Variants in PREPL observed in about 807,000 individuals in gnomAD.
The protein encoded by PREPL is prolyl endopeptidase like.
PREPL carries 77 observed loss-of-function variants against 70.6 expected under a neutral mutation model. The ratio of observed to expected loss-of-function variants is 1.09; its 90% CI spans 0.91 to 1.32. The LOEUF is 1.32. PREPL is among the 40% of genes most tolerant of loss of function. The pLI is 0.00. For synonymous variants in PREPL, 315 were observed against 264.8 expected (o/e 1.19, Z -1.84); for missense variants, 1,002 against 778.2 (o/e 1.29, Z -3.42).
At position 44,320,128 on chromosome 2, in the gene PREPL, A is replaced by G; in HGVS notation, c.*1228T>C. 1 of 1,361,260 alleles carries G rather than the reference A, an allele frequency of 7.3e-7. No homozygotes were observed. Among genetic ancestry groups the G allele is most frequent in the Non-Finnish European group, 1.0e-6 (1 of 982,938 alleles). The allele number at this position is 1,361,260 out of a possible 1,614,324, so 84.3% of individuals were successfully genotyped here. ...GTGTTTTGGGTAAATAACTCCTTAC[A>G]ATATATTAAAAATACTTACAAACAA... On this transcript the variant is annotated 3_prime_UTR_variant, in exon 14 of 14. Transcript: ENST00000409411.
Position 44,317,956 on chromosome 2 carries a change from A to G in PREPL, c.*3400T>C. On this transcript the variant is annotated 3_prime_UTR_variant, in exon 14 of 14. Coordinates refer to ENST00000409411, the MANE Select transcript of PREPL (RefSeq NM_001171613.2). ...AAAGAATTAAAATGAAGATATAGCA[A>G]GCAAATAATAGAAAGCTTGCAACCC... 1 of 266,178 alleles carries G rather than the reference A, an allele frequency of 3.8e-6. No individual in the cohort carries two copies. The highest frequency in any genetic ancestry group is 7.6e-6 in the Non-Finnish European group (1 of 131,982). The allele number at this position is 266,178 out of a possible 1,614,324, so 16.5% of individuals were successfully genotyped here. A position where few individuals can be genotyped will look rare whatever the true frequency, so the allele number is the denominator to read the frequency against.
rs958600246 is a variant in PREPL, at chr2:44,322,039, A to C, written c.1754-139T>G. ...ATAAAAAGCAAAAACCACCATCATC[A>C]ACAAAAAGATGGGAGGGGACAAGCA... On this transcript the variant is annotated intron_variant, in intron 12 of 13. Coordinates refer to ENST00000409411, the MANE Select transcript of PREPL (RefSeq NM_001171613.2). The C allele has an allele frequency of 2.1e-5, 17 of 826,342 alleles. No individual in the cohort carries two copies. The African/African-American group carries it at 2.8e-4, about 13-fold the overall frequency. 51.2% of individuals were successfully genotyped at this position (826,342 alleles called of 1,614,324 possible).
chr2:44,318,025 A>C lies in PREPL; in HGVS notation c.*3331T>G. ...AAAAAATGAAGTTATCTTTTGACCT[A>C]ATAATTCCATTCCTAATACTTAGAA... On this transcript the variant is annotated 3_prime_UTR_variant, in exon 14 of 14. Transcript: ENST00000409411. The C allele has an allele frequency of 2.5e-6, 1 of 392,364 alleles. No homozygotes were observed. The highest frequency in any genetic ancestry group is 1.8e-5 in the South Asian group (1 of 55,154). The allele number at this position is 392,364 out of a possible 1,614,324, so 24.3% of individuals were successfully genotyped here.
rs1222816761 is a variant in PREPL at position 44,319,244 on chromosome 2, C to G, written c.*2112G>C. 1 of 152,582 alleles carries G rather than the reference C, an allele frequency of 6.6e-6. No individual in the cohort carries two copies. The highest frequency in any genetic ancestry group is 1.5e-5 in the Non-Finnish European group (1 of 68,028). The allele number at this position is 152,582 out of a possible 1,614,324, so 9.5% of individuals were successfully genotyped here. A position where few individuals can be genotyped will look rare whatever the true frequency, so the allele number is the denominator to read the frequency against. ...ACAACTATCACCCCAGTAAACATGG[C>G]TGGCAAGAATACAATTAAATGAACA... On this transcript the variant is annotated 3_prime_UTR_variant, in exon 14 of 14. Transcript: ENST00000409411.
intron 12 of PREPL, among the ~76,000 whole-genome samples, chr2:44,322,503 G>A (rs1055431464): frequency 2.0e-5 from 3 of 152,168 alleles, no homozygotes; most frequent in Non-Finnish European, 4.4e-5. Flanking sequence ...TTTCCTTTGT[G>A]TCCTGCCTAT....
rs1157724569 is a variant in PREPL at position 44,320,354 on chromosome 2, A to T, written c.*1002T>A. 2 of 1,614,162 alleles carry T rather than the reference A, an allele frequency of 1.2e-6. No homozygotes were observed. The highest frequency in any genetic ancestry group is 2.7e-5 in the African/African-American group (2 of 75,070). On this transcript the variant is annotated 3_prime_UTR_variant, in exon 14 of 14. Coordinates refer to ENST00000409411, the MANE Select transcript of PREPL (RefSeq NM_001171613.2). Reference sequence around the variant, plus strand: ...CAAGAGAGCTGGATGGCATCGACAGAATCTTTATCGTGGTTCTGAATTTTG... The same window carrying T: ...CAAGAGAGCTGGATGGCATCGACAGTATCTTTATCGTGGTTCTGAATTTTG...
At chr2:44,354,371 G>T (rs997429277) in intron 1 of PREPL, among the ~76,000 whole-genome samples, 1 of 152,070 alleles carries the variant, frequency 6.6e-6, no homozygotes. Flanking sequence ...TAAAATTCTT[G>T]TCTTTAAGGA....
chr2:44,332,636 T>C lies in PREPL; in HGVS notation c.909A>G (p.Gly303=). Residue 303 remains glycine (G), a synonymous_variant, in exon 8 of 14, where the codon GGA becomes GGG. Coordinates refer to ENST00000409411, the MANE Select transcript of PREPL (RefSeq NM_001171613.2). The stretch of plus-strand genomic sequence containing the variant: ...GGTCAGAATTTGTATCCATTATGAA[T>C]CCACAGGCCCAAGGAGGGAGCTAAA... ...RSLKLPPWAC[G]FIMDTNSDPK... 1.2e-6 allele frequency: 2 copies of C among 1,613,588 alleles called. No homozygotes were observed. Among genetic ancestry groups the C allele is most frequent in the Non-Finnish European group, 1.7e-6 (2 of 1,179,612 alleles).
chr2:44,332,866 A>C (rs1436547464), intron 7 of PREPL, among the ~76,000 whole-genome samples: 1 of 152,272 alleles, frequency 6.6e-6, no homozygotes, highest in Non-Finnish European at 1.5e-5. Context: ...AAAATAAGAC[A>C]AACTATAGGA....
chr2:44,323,290 T>C lies in PREPL; in HGVS notation c.1601A>G (p.Tyr534Cys). The C allele has an allele frequency of 6.2e-7, 1 of 1,607,140 alleles. No individual in the cohort carries two copies. Among genetic ancestry groups the C allele is most frequent in the Non-Finnish European group, 8.5e-7 (1 of 1,175,234 alleles). The stretch of plus-strand genomic sequence containing the variant: ...AGGTTTAATATTTTGATAGGGACAG[T>C]AACGTTTTATGTAGTTCTTGTGTTT... Reference protein sequence around the residue: ...DEKHKNYIKRYCPYQNIKPQH... With the variant: ...DEKHKNYIKRCCPYQNIKPQH... Residue 534 changes from tyrosine to cysteine, a missense_variant, in exon 11 of 14, where the codon TAC becomes TGC. Physicochemically the swap from Tyr to Cys is radical, Grantham distance 194. Coordinates refer to ENST00000409411, the MANE Select transcript of PREPL (RefSeq NM_001171613.2).
chr2:44,350,078 A>C (rs1676250889), intron 1 of PREPL, among the ~76,000 whole-genome samples: 1 of 152,200 alleles, frequency 6.6e-6, no homozygotes, highest in African/African-American at 2.4e-5. Context: ...AAGAGGTAAA[A>C]CTACTCATTT....
In PREPL at chr2:44,320,147, C is replaced by G. The variant is rs975660517; in HGVS notation, c.*1209G>C. ...CCTTACAATATATTAAAAATACTTA[C>G]AAACAATTCTTAGAATCAAACACTT... On this transcript the variant is annotated 3_prime_UTR_variant, in exon 14 of 14. Coordinates refer to ENST00000409411, the MANE Select transcript of PREPL (RefSeq NM_001171613.2). 6.1e-6 allele frequency: 9 copies of G among 1,465,454 alleles called. No individual in the cohort carries two copies. The highest frequency in any genetic ancestry group is 8.5e-6 in the Non-Finnish European group (9 of 1,061,072). 90.8% of individuals were successfully genotyped at this position (1,465,454 alleles called of 1,614,324 possible).
chr2:44,345,939 C>G (rs1675763296), intron 2 of PREPL, among the ~76,000 whole-genome samples: 1 of 151,778 alleles, frequency 6.6e-6, no homozygotes, highest in African/African-American at 2.4e-5. Context: ...CCCAGGAGTT[C>G]AAGATCAGCC....
At chr2:44,355,653 C>T (rs534155999) in intron 1 of PREPL, among the ~76,000 whole-genome samples, 1 of 152,060 alleles carries the variant, frequency 6.6e-6, no homozygotes, top group South Asian at 2.1e-4. Flanking sequence ...AGTGATTCTT[C>T]TAAAATGCAA....
chr2:44,332,274 TAAAAC>T (rs1436548963), intron 8 of PREPL, among the ~76,000 whole-genome samples, 180 bp downstream of exon 8: 1 of 152,204 alleles, frequency 6.6e-6, no homozygotes, highest in Non-Finnish European at 1.5e-5. Flanking sequence ...TAATCCATGT[TAAAAC>T]AAACATGAAT....
chr2:44,342,193 T>C (rs182874624), intron 5 of PREPL, among the ~76,000 whole-genome samples: 1 of 152,286 alleles, frequency 6.6e-6, no homozygotes, highest in Admixed American at 6.5e-5. Flanking sequence ...ACAAAATCAA[T>C]TTCAGTTTTT....
intron 1 of PREPL, among the ~76,000 whole-genome samples, chr2:44,349,259 T>C (rs1676146894): frequency 6.6e-6 from 1 of 152,054 alleles, no homozygotes; most frequent in Non-Finnish European, 1.5e-5. Context: ...CATTAGTAAA[T>C]GGCTAATTCT....
intron 4 of PREPL, among the ~76,000 whole-genome samples, chr2:44,343,391 A>T (rs1171219134): frequency 6.6e-6 from 1 of 152,154 alleles, no homozygotes; most frequent in African/African-American, 2.4e-5. Flanking sequence ...ACATGAAATT[A>T]AAAAAATACA....
Position 44,320,070 on chromosome 2 carries a change from AT to A in PREPL, c.*1285del, listed in dbSNP as rs756386752. 4 of 698,482 alleles carry A rather than the reference AT, an allele frequency of 5.7e-6. No homozygotes were observed. The highest frequency in any genetic ancestry group is 1.8e-5 in the South Asian group (1 of 54,462). 43.3% of individuals were successfully genotyped at this position (698,482 alleles called of 1,614,324 possible). On this transcript the variant is annotated 3_prime_UTR_variant, in exon 14 of 14. Coordinates refer to ENST00000409411, the MANE Select transcript of PREPL (RefSeq NM_001171613.2). ...TCTTACCTACTTATTGATGCTTACAATTTGGCAATTATAAGGGGCAAAATTG... is the reference window on the plus strand; with the variant it reads ...TCTTACCTACTTATTGATGCTTACAATTGGCAATTATAAGGGGCAAAATTG...
Sources: gnomAD v4.1 joint callset for allele counts (sites outside exome capture counted in the v4.1 genomes callset) on GRCh38, gnomAD v4.1.1 for gene constraint, MANE v1.5 for transcripts, NCBI Gene and HGNC (gene_info 2026-07-23, HGNC 2026-07-21) for gene names.